The following SEL1L2 variants were observed in gnomAD, a reference collection of about 807,000 sequenced individuals.
SEL1L2 encodes SEL1L2 adaptor subunit of SYVN1 ubiquitin ligase, also known as protein sel-1 homolog 2.
In SEL1L2, 89 loss-of-function variants were observed where a neutral mutation model predicts 98.8. That is an observed-to-expected ratio of 0.90 (90% CI 0.76 to 1.07). The LOEUF (loss-of-function observed/expected upper bound fraction) is 1.07, where lower values mean the gene tolerates loss of function less well. SEL1L2 is among the 50% of genes least tolerant of loss of function. The pLI, the probability that SEL1L2 is intolerant of heterozygous loss-of-function variation, is 0.00. For missense variants in SEL1L2, 788 were observed against 812.0 expected, an observed-to-expected ratio of 0.97 and a Z score of 0.36; for synonymous variants, 262 against 278.5, an observed-to-expected ratio of 0.94 and a Z score of 0.59.
At chr20:13,907,761 C>CTTTTCTTTTT (rs2048024030) in intron 5 of SEL1L2, among the ~76,000 whole-genome samples, 1 of 102,312 alleles carries the variant, frequency 9.8e-6, no homozygotes, top group Non-Finnish European at 2.1e-5. Context: ...CTTTTCTTTT[C>CTTTTCTTTTT]TTTTCTTTTT....
At chr20:13,915,814 G>A (rs1289951575) in intron 4 of SEL1L2, among the ~76,000 whole-genome samples, 1 of 152,098 alleles carries the variant, frequency 6.6e-6, no homozygotes. Flanking sequence ...GGAAAAAGGT[G>A]GGAGAAGCTG....
intron 18 of SEL1L2, among the ~76,000 whole-genome samples, chr20:13,853,405 G>A (rs551033198): frequency 4.0e-5 from 6 of 151,814 alleles, no homozygotes; most frequent in African/African-American, 1.2e-4. Context: ...GTAGAGACGG[G>A]GTTTCACCAT....
intron 5 of SEL1L2, among the ~76,000 whole-genome samples, chr20:13,904,691 A>G (rs1431520987): frequency 1.3e-5 from 2 of 152,154 alleles, no homozygotes; most frequent in Non-Finnish European, 2.9e-5. Flanking sequence ...CTTGTAACGT[A>G]TATATAAATG....
intron 12 of SEL1L2, 55 bp downstream of exon 12, chr20:13,875,983 G>A (rs958858383): frequency 1.3e-5 from 18 of 1,337,766 alleles, no homozygotes; most frequent in African/African-American, 2.9e-5. Flanking sequence ...ACCAGTCTGC[G>A]TGTAATAAAA....
intron 5 of SEL1L2, among the ~76,000 whole-genome samples, chr20:13,888,850 G>C (rs1204695071): frequency 1.4e-5 from 2 of 145,456 alleles, no homozygotes; most frequent in Non-Finnish European, 3.0e-5. Flanking sequence ...GCTTCACCCT[G>C]TTGGCCAGGA....
intron 1 of SEL1L2, among the ~76,000 whole-genome samples, chr20:13,975,464 T>G (rs1309990525): frequency 6.6e-6 from 1 of 152,122 alleles, no homozygotes. Context: ...ATAACAGAGG[T>G]AATACAGAGT....
At chr20:13,915,468 C>G (rs1330489139) in intron 4 of SEL1L2, among the ~76,000 whole-genome samples, 1 of 152,156 alleles carries the variant, frequency 6.6e-6, no homozygotes, top group Non-Finnish European at 1.5e-5. Flanking sequence ...CTCCCTTGAG[C>G]CTTTCTGTCA....
intron 2 of SEL1L2, among the ~76,000 whole-genome samples, chr20:13,944,004 C>T (rs1336976007): frequency 6.6e-6 from 1 of 152,116 alleles, no homozygotes; most frequent in Non-Finnish European, 1.5e-5. Flanking sequence ...CAGGTGTGGA[C>T]TCCATCCAGA....
intron 5 of SEL1L2, among the ~76,000 whole-genome samples, chr20:13,889,013 C>A (rs2047090706): frequency 6.7e-6 from 1 of 149,050 alleles, no homozygotes; most frequent in African/African-American, 2.5e-5. Flanking sequence ...GGCTGGAGTG[C>A]AATGGTGCAG....
chr20:13,917,786 CTTTTTTTTTTTT>C (rs5840588), intron 4 of SEL1L2, among the ~76,000 whole-genome samples: 19 of 50,106 alleles, frequency 3.8e-4, no homozygotes, highest in South Asian at 1.3e-3. Flanking sequence ...TTCTTTCTTT[CTTTTTTTTTTTT>C]TTTTTTTTTT....
At chr20:13,981,785 A>T (rs1037713142) in intron 1 of SEL1L2, among the ~76,000 whole-genome samples, 3 of 152,210 alleles carry the variant, frequency 2.0e-5, no homozygotes, top group Non-Finnish European at 4.4e-5. Flanking sequence ...TCAGGGAGAG[A>T]TGCTCCAGAT....
chr20:13,916,819 G>A lies in SEL1L2; in HGVS notation c.386+2202C>T, dbSNP rs148575609. ...AGACTCTGTCTCAAAAAAAGGTGGC[G>A]GGGGTGGTCAGGAGACTGAGTTTTG... On this transcript the variant is annotated intron_variant, in intron 4 of 19. Transcript: ENST00000284951. Among the ~76,000 whole-genome samples, 367 of 152,122 alleles carry A rather than the reference G, an allele frequency of 2.4e-3. 3 individuals carry two copies. Among genetic ancestry groups the A allele is most frequent in the Middle Eastern group, 6.8e-3 (2 of 294 alleles).
chr20:13,882,902 C>T (rs1262672333), intron 10 of SEL1L2, among the ~76,000 whole-genome samples: 3 of 149,512 alleles, frequency 2.0e-5, no homozygotes, highest in African/African-American at 4.9e-5. Flanking sequence ...CTGCAAGCTC[C>T]GCCTCCCGGG....
At chr20:13,886,234 A>T in intron 9 of SEL1L2, 54 bp downstream of exon 9, 1 of 1,344,164 alleles carries the variant, frequency 7.4e-7, no homozygotes, top group Non-Finnish European at 1.0e-6. Flanking sequence ...AGAAAGAATT[A>T]AGCCCCTTGT....
At chr20:13,873,205 GTC>G (rs1244965625) in intron 12 of SEL1L2, among the ~76,000 whole-genome samples, 1 of 151,658 alleles carries the variant, frequency 6.6e-6, no homozygotes, top group African/African-American at 2.4e-5. Flanking sequence ...GACCAGGCTG[GTC>G]TCGAACTCCT....
chr20:13,956,029 G>T, intron 2 of SEL1L2, 47 bp downstream of exon 2: 1 of 1,088,948 alleles, frequency 9.2e-7, no homozygotes, highest in Non-Finnish European at 1.4e-6. Flanking sequence ...AGTGCCTATA[G>T]CCTAAATTTT....
intron 4 of SEL1L2, chr20:13,915,064 A>T (rs549293581): frequency 8.0e-7 from 1 of 1,256,026 alleles, no homozygotes; most frequent in Non-Finnish European, 1.0e-6. Context: ...ATACAGGGAA[A>T]AAAAACCCCA....
At position 13,878,224 on chromosome 20, in the gene SEL1L2, C is replaced by G. The variant is rs554232366; in HGVS notation, c.958-636G>C. ...TGCTGCCACACTCCCTAGGCCTCAT[C>G]TCGACCTTCCGGAAAGCCCCTCCTT... On this transcript the variant is annotated intron_variant, in intron 10 of 19. Coordinates refer to ENST00000284951, the MANE Select transcript of SEL1L2 (RefSeq NM_025229.2). 9.0e-4 allele frequency among the ~76,000 whole-genome samples: 137 copies of G among 152,286 alleles called. 1 individual carries two copies. Among genetic ancestry groups the G allele is most frequent in the African/African-American group, 3.2e-3 (134 of 41,566 alleles).
chr20:13,875,947 T>C, intron 12 of SEL1L2, 91 bp downstream of exon 12: 1 of 968,548 alleles, frequency 1.0e-6, no homozygotes, highest in Non-Finnish European at 1.7e-6. Context: ...TATCTGGGCT[T>C]GGGACTTCGA....
Sources: allele counts gnomAD v4.1 joint callset (sites outside exome capture counted in the v4.1 genomes callset), GRCh38; gene constraint gnomAD v4.1.1; transcripts MANE v1.5; gene names NCBI Gene and HGNC (gene_info 2026-07-23, HGNC 2026-07-21).